SLC38A4: variants seen among roughly 807,000 people sequenced by gnomAD.
The protein encoded by SLC38A4 is solute carrier family 38 member 4.
A neutral mutation model predicts 63.1 loss-of-function variants in SLC38A4; 20 were observed. That is an observed-to-expected ratio of 0.32 (90% CI 0.22 to 0.46). SLC38A4 has a LOEUF of 0.46. SLC38A4 is among the 20% of genes least tolerant of loss of function. SLC38A4 has a pLI of 1.00. For synonymous variants in SLC38A4, 230 were observed against 225.5 expected (o/e 1.02, Z -0.18); for missense variants, 526 against 663.6 (o/e 0.79, Z 2.28).
At chr12:46,831,288 C>T (rs4994910) in intron 1 of SLC38A4, among the ~76,000 whole-genome samples, 76,189 of 152,082 alleles carry the variant, frequency 0.5, 19,701 homozygotes, top group Non-Finnish European at 0.55. Flanking sequence ...TCCCGGCTTA[C>T]GCTTCTCGGG....
chr12:46,774,831 A>AT (rs561493864), intron 14 of SLC38A4, among the ~76,000 whole-genome samples: 1 of 151,950 alleles, frequency 6.6e-6, no homozygotes, highest in Non-Finnish European at 1.5e-5. Context: ...AAGTTTTATG[A>AT]TTTTTTTCCT....
intron 3 of SLC38A4, among the ~76,000 whole-genome samples, chr12:46,789,276 T>C (rs934054284): frequency 6.6e-6 from 1 of 151,938 alleles, no homozygotes; most frequent in African/African-American, 2.4e-5. Flanking sequence ...GTGGTAGCTG[T>C]GTGTTGTGTT....
intron 2 of SLC38A4, among the ~76,000 whole-genome samples, chr12:46,802,901 A>G (rs1465011008): frequency 6.6e-6 from 1 of 152,040 alleles, no homozygotes; most frequent in Non-Finnish European, 1.5e-5. Flanking sequence ...TGATTAATAA[A>G]TTTGAGGAGA....
At chr12:46,831,530 G>C (rs1168720711) in intron 1 of SLC38A4, among the ~76,000 whole-genome samples, 1 of 152,236 alleles carries the variant, frequency 6.6e-6, no homozygotes, top group Non-Finnish European at 1.5e-5. Flanking sequence ...CCGACCGCGC[G>C]GTAAGCCGCC....
upstream of SLC38A4, among the ~76,000 whole-genome samples, chr12:46,828,698 G>T (rs1000890325): frequency 4.6e-5 from 7 of 152,170 alleles, no homozygotes; most frequent in Non-Finnish European, 8.8e-5. Flanking sequence ...CTCATTCATT[G>T]TTCCACAAAT....
Position 46,779,678 on chromosome 12 carries a change from TAGA to T in SLC38A4, c.659-12_659-10del. 1 of 1,602,670 alleles carries T rather than the reference TAGA, an allele frequency of 6.2e-7. No individual in the cohort carries two copies. The highest frequency in any genetic ancestry group is 2.2e-5 in the East Asian group (1 of 44,732). Reference sequence around the variant, plus strand: ...GGTATAGCCAAGATAACCTAGAAGTTAGAAGAAGCATTTTGGAAGGTGAATATG... The same window carrying T: ...GGTATAGCCAAGATAACCTAGAAGTTAGAAGCATTTTGGAAGGTGAATATG... On this transcript the variant is annotated splice_polypyrimidine_tract_variant and intron_variant, in intron 9 of 16. Transcript: ENST00000266579.
intron 14 of SLC38A4, among the ~76,000 whole-genome samples, chr12:46,769,677 T>G (rs1938373932): frequency 6.6e-6 from 1 of 152,076 alleles, no homozygotes; most frequent in Non-Finnish European, 1.5e-5. Context: ...AGACCACATA[T>G]AAGACAGTGA....
intron 1 of SLC38A4, among the ~76,000 whole-genome samples, chr12:46,816,233 A>G (rs1415886669): frequency 6.6e-6 from 1 of 151,890 alleles, no homozygotes; most frequent in Non-Finnish European, 1.5e-5. Context: ...ATACTTCTAA[A>G]CCCTTAGAAA....
chr12:46,789,939 G>A (rs1938850040), intron 3 of SLC38A4, among the ~76,000 whole-genome samples: 1 of 152,046 alleles, frequency 6.6e-6, no homozygotes, highest in Non-Finnish European at 1.5e-5. Flanking sequence ...TTAGCCGAGT[G>A]TGGTGGCAGG....
chr12:46,828,593 G>T (rs1319053990), upstream of SLC38A4, among the ~76,000 whole-genome samples: 2 of 152,192 alleles, frequency 1.3e-5, no homozygotes, highest in Non-Finnish European at 2.9e-5. Flanking sequence ...AAAGAGCTGG[G>T]ATTACAGGCA....
In SLC38A4 at chr12:46,765,989, G is replaced by T. The variant is rs929831916; in HGVS notation, c.*712C>A. 1 of 157,440 alleles carries T rather than the reference G, an allele frequency of 6.4e-6. No homozygotes were observed. The highest frequency in any genetic ancestry group is 2.4e-5 in the African/African-American group (1 of 41,438). 9.8% of individuals were successfully genotyped at this position (157,440 alleles called of 1,614,324 possible). On this transcript the variant is annotated 3_prime_UTR_variant, in exon 17 of 17. Coordinates refer to ENST00000266579, the MANE Select transcript of SLC38A4 (RefSeq NM_018018.5). ...TTTAGCTATAAGCATTATTTTTGTT[G>T]TTGCTCTATGATTGAAATAAAGCCC...
chr12:46,781,541 G>A (rs1938638585), intron 7 of SLC38A4, among the ~76,000 whole-genome samples: 1 of 152,038 alleles, frequency 6.6e-6, no homozygotes, highest in South Asian at 2.1e-4. Context: ...TGCAGTAAAT[G>A]TTAATTTTTT....
chr12:46,784,450 T>C (rs1938716317), intron 7 of SLC38A4, 92 bp downstream of exon 7: 2 of 890,900 alleles, frequency 2.2e-6, no homozygotes, highest in South Asian at 4.6e-5. Flanking sequence ...TTTTTCTGTA[T>C]CTAAAGTGCC....
chr12:46,787,834 T>A, intron 5 of SLC38A4, 82 bp downstream of exon 5: 1 of 1,001,364 alleles, frequency 1.0e-6, no homozygotes, highest in Non-Finnish European at 1.5e-6. Flanking sequence ...TTCACAAAGA[T>A]CAAACTTGAG....
intron 1 of SLC38A4, among the ~76,000 whole-genome samples, chr12:46,831,432 G>A (rs907907578): frequency 6.6e-6 from 1 of 152,146 alleles, no homozygotes; most frequent in Non-Finnish European, 1.5e-5. Context: ...GCTTCTCTTA[G>A]CTCGGTTGCC....
chr12:46,829,877 T>C (rs966596291), upstream of SLC38A4, among the ~76,000 whole-genome samples: 1 of 152,214 alleles, frequency 6.6e-6, no homozygotes, highest in African/African-American at 2.4e-5. Flanking sequence ...CTTCACACTG[T>C]GTATCTCCAT....
intron 5 of SLC38A4, among the ~76,000 whole-genome samples, chr12:46,785,385 C>T (rs1002577595): frequency 4.8e-5 from 3 of 62,770 alleles, no homozygotes; most frequent in African/African-American, 1.9e-4. Flanking sequence ...ATTTTACATA[C>T]CTGAAGTCCC....
intron 1 of SLC38A4, among the ~76,000 whole-genome samples, chr12:46,807,207 G>T (rs1356665020): frequency 2.0e-5 from 3 of 151,932 alleles, no homozygotes; most frequent in African/African-American, 7.2e-5. Context: ...TAATACTTTT[G>T]TAATGCCTTT....
At chr12:46,771,666 A>G (rs1035522128) in intron 14 of SLC38A4, among the ~76,000 whole-genome samples, 9 of 152,110 alleles carry the variant, frequency 5.9e-5, no homozygotes, top group African/African-American at 2.2e-4. Context: ...AACAGAGCAA[A>G]GAGGGAGGGA....
Sources: gnomAD v4.1 joint callset for allele counts (sites outside exome capture counted in the v4.1 genomes callset) on GRCh38, gnomAD v4.1.1 for gene constraint, MANE v1.5 for transcripts, NCBI Gene and HGNC (gene_info 2026-07-23, HGNC 2026-07-21) for gene names.